Variants in PTPDC1 observed in about 807,000 individuals in gnomAD.
PTPDC1 encodes the protein protein tyrosine phosphatase domain containing 1, also known as protein tyrosine phosphatase domain-containing protein 1.
Under a neutral mutation model 75.3 loss-of-function variants are expected in PTPDC1, and 53 were observed. That is an observed-to-expected ratio of 0.70 (90% CI 0.56 to 0.88). The LOEUF is 0.88. PTPDC1 is among the 40% of genes least tolerant of loss of function. PTPDC1 has a pLI of 0.00. For missense variants in PTPDC1, 925 were observed against 998.6 expected, an observed-to-expected ratio of 0.93 and a Z score of 0.99; for synonymous variants, 349 against 366.2, an observed-to-expected ratio of 0.95 and a Z score of 0.54.
intron 2 of PTPDC1, among the ~76,000 whole-genome samples, chr9:94,070,480 A>G (rs1377334904): frequency 7.9e-5 from 12 of 152,206 alleles, no homozygotes. Flanking sequence ...GTACATTCAC[A>G]TGCAAATATA....
intron 2 of PTPDC1, among the ~76,000 whole-genome samples, chr9:94,065,881 T>C (rs909896482): frequency 4.6e-5 from 7 of 152,200 alleles, no homozygotes; most frequent in African/African-American, 1.7e-4. Context: ...CCCTTCTAGA[T>C]GTCTAGTGGC....
At chr9:94,106,405 G>GC (rs1326585004) in intron 8 of PTPDC1, among the ~76,000 whole-genome samples, 1 of 152,208 alleles carries the variant, frequency 6.6e-6, no homozygotes, top group Admixed American at 6.5e-5. Context: ...TTTGCTTGCA[G>GC]CCCCCTTGTG....
intron 1 of PTPDC1, among the ~76,000 whole-genome samples, chr9:94,035,026 G>A (rs2118377913): frequency 6.6e-6 from 1 of 152,274 alleles, no homozygotes; most frequent in Admixed American, 6.5e-5. Flanking sequence ...GCAGTCAATA[G>A]TAATATGTTT....
chr9:94,107,982 A>C lies in PTPDC1; in HGVS notation c.*38A>C, dbSNP rs1307743270. On this transcript the variant is annotated 3_prime_UTR_variant, in exon 9 of 9. Coordinates refer to ENST00000620992, the MANE Select transcript of PTPDC1 (RefSeq NM_001253829.2). ...GTGAATATTTCAGACCTAAAGATCC[A>C]GATAGTATCTCTGTTCATATGTGAA... The C allele has an allele frequency of 8.1e-7, 1 of 1,235,392 alleles. No homozygotes were observed. Among genetic ancestry groups the C allele is most frequent in the East Asian group, 2.5e-5 (1 of 40,166 alleles). 76.5% of individuals were successfully genotyped at this position (1,235,392 alleles called of 1,614,324 possible).
chr9:94,098,843 A>G (rs911650815), intron 6 of PTPDC1, among the ~76,000 whole-genome samples: 15 of 152,254 alleles, frequency 9.9e-5, no homozygotes, highest in Admixed American at 4.6e-4. Flanking sequence ...TGATATTAGT[A>G]GTTTCCTTCT....
In PTPDC1 at chr9:94,097,428, C is replaced by T; in HGVS notation, c.862C>T (p.Leu288Phe). ...CAATTCCATACAAACCAGAGGACAG[C>T]TCCTCTGTGTAAGGGAATTTACTCA... ...RPNSIQTRGQ[L>F]LCVREFTQFL... is the part of the protein sequence containing the mutation. Residue 288 changes from leucine to phenylalanine, a missense_variant, in exon 6 of 9, where the codon CTC becomes TTC. By Grantham distance (22) the Leu-to-Phe change is conservative. Transcript: ENST00000620992. The T allele has an allele frequency of 6.2e-7, 1 of 1,613,612 alleles. No homozygotes were observed. The highest frequency in any genetic ancestry group is 8.5e-7 in the Non-Finnish European group (1 of 1,179,522).
intron 1 of PTPDC1, among the ~76,000 whole-genome samples, chr9:94,058,230 A>T (rs1181705109): frequency 6.6e-6 from 1 of 152,180 alleles, no homozygotes; most frequent in Non-Finnish European, 1.5e-5. Flanking sequence ...AGGGCCCTCA[A>T]GGCTTTGCTG....
chr9:94,108,059 T>A lies in PTPDC1; in HGVS notation c.*115T>A. The A allele has an allele frequency of 2.1e-6, 1 of 475,700 alleles. No homozygotes were observed. The highest frequency in any genetic ancestry group is 3.7e-6 in the Non-Finnish European group (1 of 273,788). 29.5% of individuals were successfully genotyped at this position (475,700 alleles called of 1,614,324 possible). ...TTCTCATAGCACTTTATTTTGAATG[T>A]TGTTAGTTTGTGCTGAGAATGGTCG... On this transcript the variant is annotated 3_prime_UTR_variant, in exon 9 of 9. Coordinates refer to ENST00000620992, the MANE Select transcript of PTPDC1 (RefSeq NM_001253829.2).
chr9:94,080,145 C>T (rs774148792), upstream of PTPDC1, among the ~76,000 whole-genome samples: 17 of 152,148 alleles, frequency 1.1e-4, no homozygotes, highest in Non-Finnish European at 1.9e-4. Flanking sequence ...TGGGTGGCAG[C>T]AGCAGCTTGG....
intron 1 of PTPDC1, among the ~76,000 whole-genome samples, chr9:94,049,313 G>A (rs912639650): frequency 8.5e-5 from 13 of 152,172 alleles, no homozygotes; most frequent in African/African-American, 1.4e-4. Context: ...TAGCCTTGAT[G>A]GTCTTTACAA....
At chr9:94,048,119 C>T (rs1400320654) in intron 1 of PTPDC1, among the ~76,000 whole-genome samples, 10 of 152,104 alleles carry the variant, frequency 6.6e-5, no homozygotes, top group African/African-American at 1.9e-4. Flanking sequence ...GTCTTGCTAG[C>T]GGTCTATCAA....
At chr9:94,063,600 C>A (rs1826209734) in intron 1 of PTPDC1, among the ~76,000 whole-genome samples, 1 of 152,126 alleles carries the variant, frequency 6.6e-6, no homozygotes, top group Admixed American at 6.5e-5. Context: ...ACAGCTTTAT[C>A]AAATAGGATT....
chr9:94,104,617 C>T (rs538928595), intron 8 of PTPDC1, among the ~76,000 whole-genome samples: 5 of 152,196 alleles, frequency 3.3e-5, no homozygotes, highest in South Asian at 4.2e-4. Flanking sequence ...TGAAGGAGAA[C>T]GTTGGAACAA....
chr9:94,044,838 C>A (rs184017924), intron 1 of PTPDC1, among the ~76,000 whole-genome samples: 51 of 151,170 alleles, frequency 3.4e-4, no homozygotes, highest in Admixed American at 2.0e-4. Flanking sequence ...AACATCAAGT[C>A]TCTCACTATT....
intron 1 of PTPDC1, among the ~76,000 whole-genome samples, chr9:94,034,449 T>C (rs1305048759): frequency 1.3e-5 from 2 of 152,156 alleles, no homozygotes; most frequent in Non-Finnish European, 2.9e-5. Context: ...GGAGAATTGC[T>C]TGAACCTGGG....
rs528028399 is a variant in PTPDC1, at chr9:94,070,417, G to T, written c.82+5596G>T. On this transcript the variant is annotated intron_variant, in intron 2 of 9. Transcript: ENST00000375360. ...TGACCCTTGCTTAGGCTTTATGTATGGCTCTTTCTCTTTGATTATATATAC... is the reference window on the plus strand; with the variant it reads ...TGACCCTTGCTTAGGCTTTATGTATTGCTCTTTCTCTTTGATTATATATAC... Among the ~76,000 whole-genome samples the T allele has an allele frequency of 9.2e-5, 14 of 152,080 alleles. 1 individual carries two copies. The highest frequency in any genetic ancestry group is 8.5e-4 in the Admixed American group (13 of 15,262).
intron 1 of PTPDC1, among the ~76,000 whole-genome samples, chr9:94,062,825 C>T (rs1399529609): frequency 6.6e-6 from 1 of 152,148 alleles, no homozygotes; most frequent in African/African-American, 2.4e-5. Context: ...CCATATTAGA[C>T]ATGTTTTCGG....
At position 94,097,837 on chromosome 9, in the gene PTPDC1, A is replaced by G. The variant is rs754948118; in HGVS notation, c.1271A>G (p.Asp424Gly). Reference sequence around the variant, plus strand: ...ATTTTCTCCAATGAGCAACAGTTTGACCCTCTTTGGAAAAGGCGGAATGTT... The same window carrying G: ...ATTTTCTCCAATGAGCAACAGTTTGGCCCTCTTTGGAAAAGGCGGAATGTT... ...GMIFSNEQQF[D>G]PLWKRRNVEC... The change falls in exon 6 of 9, where the codon GAC becomes GGC. Residue 424 changes from aspartate to glycine, a missense_variant. Coordinates refer to ENST00000620992, the MANE Select transcript of PTPDC1 (RefSeq NM_001253829.2). 15 of 1,614,004 alleles carry G rather than the reference A, an allele frequency of 9.3e-6. No homozygotes were observed. The South Asian group carries it at 1.6e-4, about 18-fold the overall frequency.
chr9:94,088,398 C>A, intron 4 of PTPDC1, 135 bp downstream of exon 4: 1 of 1,030,648 alleles, frequency 9.7e-7, no homozygotes, highest in Non-Finnish European at 1.4e-6. Flanking sequence ...AAAAAATGAG[C>A]TACCATTCTC....
Sources: gnomAD v4.1 joint callset for allele counts (sites outside exome capture counted in the v4.1 genomes callset) on GRCh38, gnomAD v4.1.1 for gene constraint, MANE v1.5 for transcripts, NCBI Gene and HGNC (gene_info 2026-07-23, HGNC 2026-07-21) for gene names.